Variants in CSRNP3 observed in about 807,000 individuals in gnomAD.
CSRNP3 encodes the protein cysteine and serine rich nuclear protein 3, also known as cysteine/serine-rich nuclear protein 3.
A neutral mutation model predicts 48.0 loss-of-function variants in CSRNP3; 12 were observed. The observed-to-expected ratio is 0.25, with a 90% confidence interval of 0.16 to 0.41. The LOEUF is 0.41. CSRNP3 is among the 10% of genes least tolerant of loss of function. The pLI is 1.00. For missense variants in CSRNP3, 580 were observed against 724.4 expected (o/e 0.80, Z 2.29); for synonymous variants, 263 against 269.7 (o/e 0.98, Z 0.24).
intron 1 of CSRNP3, among the ~76,000 whole-genome samples, chr2:165,479,691 C>T (rs1374807452): frequency 1.3e-5 from 2 of 151,978 alleles, no homozygotes; most frequent in Admixed American, 1.3e-4. Flanking sequence ...TCAAGATGCG[C>T]CTGGGCAACA....
chr2:165,575,435 G>A (rs1053073052), intron 3 of CSRNP3, among the ~76,000 whole-genome samples: 3 of 152,068 alleles, frequency 2.0e-5, no homozygotes, highest in Non-Finnish European at 2.9e-5. Flanking sequence ...CAGGTTGTAT[G>A]TGTATGAAAA....
chr2:165,596,091 A>T (rs1263329876), intron 4 of CSRNP3, among the ~76,000 whole-genome samples: 1 of 149,872 alleles, frequency 6.7e-6, no homozygotes, highest in Non-Finnish European at 1.5e-5. Flanking sequence ...AAGTGCTGGG[A>T]TTACAGGCAT....
chr2:165,486,091 C>A (rs1354448268), intron 1 of CSRNP3, among the ~76,000 whole-genome samples: 1 of 152,146 alleles, frequency 6.6e-6, no homozygotes, highest in Non-Finnish European at 1.5e-5. Context: ...GGTGCGCGCA[C>A]CGTGCGCGAG....
chr2:165,664,750 G>T (rs10497266), intron 5 of CSRNP3, among the ~76,000 whole-genome samples: 37,893 of 151,996 alleles, frequency 0.25, 5,423 homozygotes, highest in Non-Finnish European at 0.32. Context: ...TCCCAAGTTC[G>T]GGATGTTCTT....
rs78809678 is a variant in CSRNP3, at chr2:165,480,397, C to T, written c.-283+10657C>T. Among the ~76,000 whole-genome samples the T allele has an allele frequency of 8.4e-3, 1,281 of 152,172 alleles. 22 individuals are homozygous for T. The highest frequency in any genetic ancestry group is 0.029 in the African/African-American group (1,197 of 41,530). ...CAGTGTTCACATGTCTAGGGTTATA[C>T]GGGCACAGGGTGTACACATTACATG... is the stretch of plus-strand genomic sequence containing the variant. On this transcript the variant is annotated intron_variant, in intron 1 of 6. Coordinates refer to ENST00000651982, the MANE Select transcript of CSRNP3 (RefSeq NM_001172173.2).
chr2:165,544,644 G>C (rs1685000469), intron 3 of CSRNP3, among the ~76,000 whole-genome samples: 1 of 152,150 alleles, frequency 6.6e-6, no homozygotes, highest in South Asian at 2.1e-4. Context: ...AGGATTTGCT[G>C]ATAGCTTGTG....
chr2:165,493,572 A>G (rs1684247580), intron 1 of CSRNP3, among the ~76,000 whole-genome samples: 1 of 152,132 alleles, frequency 6.6e-6, no homozygotes, highest in African/African-American at 2.4e-5. Flanking sequence ...AATAAGAGAA[A>G]GAAAAATGCA....
intron 6 of CSRNP3, among the ~76,000 whole-genome samples, 162 bp downstream of exon 6, chr2:165,676,770 G>T (rs549974841): frequency 6.6e-6 from 1 of 152,304 alleles, no homozygotes; most frequent in Non-Finnish European, 1.5e-5. Context: ...CAGGAAGAGA[G>T]AAAGACTAAT....
In CSRNP3 at chr2:165,666,158, AAGAG is replaced by A. The variant is rs142924898; in HGVS notation, c.408+8148_408+8151del. The stretch of plus-strand genomic sequence containing the variant: ...GGAAGGAAGGAAAGAGAGAGGAAGA[AAGAG>A]AGAGAGAGAAAGGAAGGAAGGAAGG... On this transcript the variant is annotated intron_variant, in intron 5 of 6. Transcript: ENST00000651982. Among the ~76,000 whole-genome samples the A allele has an allele frequency of 3.6e-4, 40 of 112,184 alleles. 1 individual carries two copies. Among genetic ancestry groups the A allele is most frequent in the South Asian group, 9.8e-4 (3 of 3,066 alleles). The allele number at this position is 112,184 out of a possible 152,430, so 73.6% of individuals were successfully genotyped here. A position where few individuals can be genotyped will look rare whatever the true frequency, so the allele number is the denominator to read the frequency against.
At chr2:165,515,073 G>A (rs945503355) in intron 2 of CSRNP3, among the ~76,000 whole-genome samples, 4 of 152,062 alleles carry the variant, frequency 2.6e-5, no homozygotes, top group Non-Finnish European at 5.9e-5. Flanking sequence ...TAATCCCAGC[G>A]CTTTGGGAGG....
intron 4 of CSRNP3, among the ~76,000 whole-genome samples, chr2:165,641,542 T>C (rs1481537694): frequency 6.6e-6 from 1 of 151,858 alleles, no homozygotes; most frequent in Non-Finnish European, 1.5e-5. Context: ...AAGTCTACCT[T>C]AAAAGAATTC....
intron 4 of CSRNP3, among the ~76,000 whole-genome samples, chr2:165,628,464 C>G (rs1305515514): frequency 6.6e-6 from 1 of 152,150 alleles, no homozygotes; most frequent in Non-Finnish European, 1.5e-5. Flanking sequence ...TGGTTCACAC[C>G]TGTAATCCCA....
chr2:165,507,077 A>G (rs1213104688), intron 2 of CSRNP3, among the ~76,000 whole-genome samples: 2 of 152,226 alleles, frequency 1.3e-5, no homozygotes, highest in African/African-American at 4.8e-5. Context: ...GTAAGTGAAT[A>G]GTGGAAATTA....
In CSRNP3 at chr2:165,546,523, A is replaced by G. The variant is rs187517084; in HGVS notation, c.-24+28562A>G. 2.2e-3 allele frequency among the ~76,000 whole-genome samples: 337 copies of G among 152,308 alleles called. 1 individual carries two copies. The highest frequency in any genetic ancestry group is 0.01 in the Middle Eastern group (3 of 294). On this transcript the variant is annotated intron_variant, in intron 3 of 6. Coordinates refer to ENST00000651982, the MANE Select transcript of CSRNP3 (RefSeq NM_001172173.2). ...CTTCTGTAACGCTGGTACTCTGCAT[A>G]CAAATGCTACCTAAAAGCTCAATGC...
intron 3 of CSRNP3, among the ~76,000 whole-genome samples, chr2:165,564,370 A>G (rs1685272418): frequency 6.6e-6 from 1 of 152,128 alleles, no homozygotes; most frequent in South Asian, 2.1e-4. Context: ...ATTCCATCAC[A>G]ATAATAATTC....
At chr2:165,492,223 C>G (rs1684222323) in intron 1 of CSRNP3, among the ~76,000 whole-genome samples, 1 of 152,160 alleles carries the variant, frequency 6.6e-6, no homozygotes. Context: ...TGTAGACCCT[C>G]TGTTTTCTGA....
chr2:165,665,643 C>T (rs911598740), intron 5 of CSRNP3, among the ~76,000 whole-genome samples: 12 of 151,872 alleles, frequency 7.9e-5, no homozygotes, highest in African/African-American at 2.7e-4. Flanking sequence ...GCCTGTAGTC[C>T]CAGCTACTTG....
At chr2:165,511,046 CAAG>C (rs1165584152) in intron 2 of CSRNP3, among the ~76,000 whole-genome samples, 6 of 152,084 alleles carry the variant, frequency 3.9e-5, no homozygotes, top group Non-Finnish European at 8.8e-5. Context: ...TCCTAGAAGC[CAAG>C]TGAAGAAATA....
intron 3 of CSRNP3, among the ~76,000 whole-genome samples, chr2:165,569,091 C>T (rs1685335401): frequency 6.6e-6 from 1 of 151,928 alleles, no homozygotes; most frequent in Non-Finnish European, 1.5e-5. Context: ...ATTTTTATAT[C>T]CCTAGCAACT....
Sources: gnomAD v4.1 joint callset for allele counts (sites outside exome capture counted in the v4.1 genomes callset) on GRCh38, gnomAD v4.1.1 for gene constraint, MANE v1.5 for transcripts, NCBI Gene and HGNC (gene_info 2026-07-23, HGNC 2026-07-21) for gene names.